Variants in KIAA1328 observed in about 807,000 individuals in gnomAD.
KIAA1328 encodes the protein protein hinderin.
In KIAA1328, 52 loss-of-function variants were observed where a neutral mutation model predicts 68.1. That is an observed-to-expected ratio of 0.76 (90% CI 0.61 to 0.96). The LOEUF (loss-of-function observed/expected upper bound fraction) is 0.96. KIAA1328 is among the 40% of genes least tolerant of loss of function. The pLI, the probability that KIAA1328 is intolerant of heterozygous loss-of-function variation, is 0.00. For synonymous variants in KIAA1328, 232 were observed against 239.4 expected, an observed-to-expected ratio of 0.97 and a Z score of 0.28; for missense variants, 641 against 677.6, an observed-to-expected ratio of 0.95 and a Z score of 0.60.
At chr18:37,007,944 C>T (rs537274661) in intron 6 of KIAA1328, among the ~76,000 whole-genome samples, 1 of 152,114 alleles carries the variant, frequency 6.6e-6, no homozygotes, top group Non-Finnish European at 1.5e-5. Flanking sequence ...TTTTTCTTTT[C>T]TTTTTTTCTT....
At chr18:37,172,603 G>T (rs1211429086) in intron 8 of KIAA1328, among the ~76,000 whole-genome samples, 1 of 152,148 alleles carries the variant, frequency 6.6e-6, no homozygotes, top group African/African-American at 2.4e-5. Context: ...TAATTTGGAG[G>T]GTTTAGAGTT....
chr18:37,033,403 G>T (rs1474025880), intron 6 of KIAA1328, among the ~76,000 whole-genome samples: 2 of 152,114 alleles, frequency 1.3e-5, no homozygotes, highest in African/African-American at 4.8e-5. Context: ...CATTTAAGTT[G>T]TTGGTAGATC....
chr18:36,895,162 C>T (rs767939256), intron 5 of KIAA1328, among the ~76,000 whole-genome samples: 1 of 152,160 alleles, frequency 6.6e-6, no homozygotes, highest in African/African-American at 2.4e-5. Context: ...CCCTAACTTG[C>T]GTATCTTCTT....
intron 8 of KIAA1328, among the ~76,000 whole-genome samples, chr18:37,172,670 C>T (rs1342519532): frequency 6.6e-6 from 1 of 152,202 alleles, no homozygotes; most frequent in East Asian, 1.9e-4. Context: ...AAACATCCCA[C>T]CTCCTTGGGC....
chr18:37,089,155 C>T (rs909242229), intron 7 of KIAA1328, among the ~76,000 whole-genome samples: 13 of 151,546 alleles, frequency 8.6e-5, no homozygotes, highest in Admixed American at 2.6e-4. Flanking sequence ...GGGGAGGGGA[C>T]GTGTATATGT....
chr18:37,142,960 T>G (rs115641502), intron 7 of KIAA1328, among the ~76,000 whole-genome samples: 4,488 of 151,342 alleles, frequency 0.03, 232 homozygotes, highest in African/African-American at 0.1. Context: ...TTTTTGTTTT[T>G]TTTTTGTTTT....
In KIAA1328 at chr18:37,123,597, T is replaced by C. The variant is rs12454602; in HGVS notation, c.1233-36603T>C. Among the ~76,000 whole-genome samples the C allele has an allele frequency of 0.029, 4,425 of 152,188 alleles. 526 individuals carry two copies. The East Asian group carries it at 0.36, about 12-fold the overall frequency. ...GTAAGAATACATTAAATTTAATAAA[T>C]CCCAAAATAAGTTTAGGGTTTTAAA... On this transcript the variant is annotated intron_variant, in intron 7 of 9. Transcript: ENST00000280020.
chr18:37,224,254 G>C lies in KIAA1328; in HGVS notation c.*2027G>C, dbSNP rs2060610869. 1.0e-6 allele frequency: 1 copy of C among 985,454 alleles called. No homozygotes were observed. 61.0% of individuals were successfully genotyped at this position (985,454 alleles called of 1,614,324 possible). A position where few individuals can be genotyped will look rare whatever the true frequency, so the allele number is the denominator to read the frequency against. On this transcript the variant is annotated 3_prime_UTR_variant, in exon 10 of 10. Transcript: ENST00000280020. ...GAGTGAGAGGATGCCAGAGGATCAA[G>C]AAAAGGATCACAGTTTCTTGAAGAA...
At chr18:37,086,878 A>G (rs1315943206) in intron 7 of KIAA1328, among the ~76,000 whole-genome samples, 1 of 152,222 alleles carries the variant, frequency 6.6e-6, no homozygotes, top group Non-Finnish European at 1.5e-5. Flanking sequence ...GCTGATATGC[A>G]TAAGTTACAC....
At chr18:37,089,082 G>A (rs915509408) in intron 7 of KIAA1328, among the ~76,000 whole-genome samples, 3 of 151,900 alleles carry the variant, frequency 2.0e-5, no homozygotes, top group African/African-American at 7.3e-5. Flanking sequence ...GCTATAGTAA[G>A]TAGAGTAATT....
intron 7 of KIAA1328, among the ~76,000 whole-genome samples, chr18:37,150,761 C>T (rs768206504): frequency 4.6e-5 from 7 of 152,014 alleles, no homozygotes; most frequent in Non-Finnish European, 8.8e-5. Context: ...AACTTCATCT[C>T]AAACAGATGC....
At chr18:37,008,640 C>T (rs977396450) in intron 6 of KIAA1328, among the ~76,000 whole-genome samples, 29 of 152,026 alleles carry the variant, frequency 1.9e-4, no homozygotes, top group African/African-American at 7.0e-4. Flanking sequence ...TAGCAGTTAT[C>T]GATAGCATAA....
intron 6 of KIAA1328, among the ~76,000 whole-genome samples, chr18:36,974,829 A>G (rs777685972): frequency 2.2e-4 from 33 of 152,176 alleles, no homozygotes; most frequent in Non-Finnish European, 3.8e-4. Flanking sequence ...TTTATTTCTA[A>G]TGGACTCTGG....
At chr18:36,981,112 G>T (rs887149685) in intron 6 of KIAA1328, among the ~76,000 whole-genome samples, 13 of 152,170 alleles carry the variant, frequency 8.5e-5, no homozygotes, top group African/African-American at 3.1e-4. Flanking sequence ...AATAATGCCT[G>T]GGAATAGTGC....
chr18:37,032,659 G>A (rs1403273979), intron 6 of KIAA1328, among the ~76,000 whole-genome samples: 1 of 150,818 alleles, frequency 6.6e-6, no homozygotes, highest in Non-Finnish European at 1.5e-5. Context: ...GTTTGTTTTT[G>A]AGATGGAGTT....
chr18:37,132,092 A>T (rs1055292218), intron 7 of KIAA1328, among the ~76,000 whole-genome samples: 2 of 152,176 alleles, frequency 1.3e-5, no homozygotes, highest in Non-Finnish European at 2.9e-5. Flanking sequence ...CAATGGCAAA[A>T]AAAAAAGGAG....
Position 37,120,959 on chromosome 18 carries a change from G to T in KIAA1328, c.1233-39241G>T, listed in dbSNP as rs143876424. Among the ~76,000 whole-genome samples the T allele has an allele frequency of 1.2e-4, 19 of 152,238 alleles. No homozygotes were observed. The East Asian group carries it at 2.5e-3, about 20-fold the overall frequency. On this transcript the variant is annotated intron_variant, in intron 7 of 9. Transcript: ENST00000280020. ...GCTTTCTTAAGTGGGCAAAAGCACTGCCAGGTAAGTGGTAAGTGGAAAATA... is the reference window on the plus strand; with the variant it reads ...GCTTTCTTAAGTGGGCAAAAGCACTTCCAGGTAAGTGGTAAGTGGAAAATA...
chr18:37,078,923 G>A lies in KIAA1328; in HGVS notation c.1232+11378G>A, dbSNP rs951797843. On this transcript the variant is annotated intron_variant, in intron 7 of 9. Transcript: ENST00000280020. The stretch of plus-strand genomic sequence containing the variant: ...CAACCATTGTGGAGGTCAGTGTGGC[G>A]ATTCCTCAGAGATCTAGAACTAGAA... Among the ~76,000 whole-genome samples the A allele has an allele frequency of 9.9e-5, 15 of 151,702 alleles. No homozygotes were observed. The East Asian group carries it at 1.8e-3, about 18-fold the overall frequency.
At chr18:37,066,866 A>G in intron 6 of KIAA1328, 24 bp from the exon 7 acceptor site, 1 of 1,527,004 alleles carries the variant, frequency 6.5e-7, no homozygotes, top group Non-Finnish European at 8.8e-7. Flanking sequence ...CTTATTTGAC[A>G]GGTGATCTTG....
Sources: allele counts gnomAD v4.1 joint callset (sites outside exome capture counted in the v4.1 genomes callset), GRCh38; gene constraint gnomAD v4.1.1; transcripts MANE v1.5; gene names NCBI Gene and HGNC (gene_info 2026-07-23, HGNC 2026-07-21).